The following SETD5 variants were observed in gnomAD, a reference collection of about 807,000 sequenced individuals.
SETD5 encodes the protein histone-lysine N-methyltransferase SETD5.
In SETD5, 44 loss-of-function variants were observed where a neutral mutation model predicts 153.3. That is an observed-to-expected ratio of 0.29 (90% CI 0.23 to 0.37). SETD5 has a LOEUF of 0.37. SETD5 is among the 10% of genes least tolerant of loss of function. The pLI, the probability that SETD5 is intolerant of heterozygous loss-of-function variation, is 1.00. For missense variants in SETD5, 1,544 were observed against 1,768.0 expected (o/e 0.87, Z 2.27); for synonymous variants, 716 against 645.2 (o/e 1.11, Z -1.66).
intron 17 of SETD5, among the ~76,000 whole-genome samples, chr3:9,455,718 T>A (rs962847817): frequency 6.6e-6 from 1 of 152,210 alleles, no homozygotes. Context: ...TGTATCTATC[T>A]GGTGTGTGTG....
At chr3:9,466,244 C>G (rs2044552757) in intron 18 of SETD5, among the ~76,000 whole-genome samples, 1 of 145,000 alleles carries the variant, frequency 6.9e-6, no homozygotes, top group Non-Finnish European at 1.5e-5. Flanking sequence ...GCCGAGATCG[C>G]GCCATTGCAC....
rs1433671005 is a variant in SETD5, at chr3:9,475,712, C to T, written c.3950C>T (p.Thr1317Ile). Residue 1317 changes from threonine (T) to isoleucine (I), a missense_variant, in exon 23 of 23, where the codon ACA becomes ATA. Coordinates refer to ENST00000402198, the MANE Select transcript of SETD5 (RefSeq NM_001080517.3). Reference protein sequence around the residue: ...STDSLAPFTGTPGYFSSQPHS... With the variant: ...STDSLAPFTGIPGYFSSQPHS... ...GACTCGTTGGCCCCATTTACGGGGA[C>T]ACCAGGGTATTTTAGCAGCCAGCCA... 3 of 1,613,860 alleles carry T rather than the reference C, an allele frequency of 1.9e-6. No homozygotes were observed. Among genetic ancestry groups the T allele is most frequent in the African/African-American group, 2.7e-5 (2 of 74,934 alleles).
chr3:9,474,569 A>G lies in SETD5; in HGVS notation c.3618A>G (p.Thr1206=), dbSNP rs2045656532. The G allele has an allele frequency of 1.9e-6, 3 of 1,613,884 alleles. No homozygotes were observed. The highest frequency in any genetic ancestry group is 2.7e-5 in the African/African-American group (2 of 75,040). Residue 1206 remains threonine (T), a synonymous_variant, in exon 21 of 23, where the codon ACA becomes ACG. Coordinates refer to ENST00000402198, the MANE Select transcript of SETD5 (RefSeq NM_001080517.3). ...EPSPTWESNI[T]EKDSDPADGE... is the part of the protein sequence containing the mutation. ...CTCCCACATGGGAGAGTAACATCAC[A>G]GAGAAAGACTCAGGTGAGCCCATGG...
At chr3:9,450,889 A>G (rs1187775338) in intron 16 of SETD5, among the ~76,000 whole-genome samples, 1 of 152,154 alleles carries the variant, frequency 6.6e-6, no homozygotes, top group Non-Finnish European at 1.5e-5. Context: ...TATTTTTATC[A>G]TTATTATTCT....
chr3:9,420,038 T>C (rs2038137956), intron 1 of SETD5, among the ~76,000 whole-genome samples: 1 of 152,138 alleles, frequency 6.6e-6, no homozygotes, highest in East Asian at 1.9e-4. Context: ...TTAAAGAGGT[T>C]TAGTCAGTCT....
intron 16 of SETD5, chr3:9,449,363 C>G (rs2042374282): frequency 3.3e-5 from 5 of 152,170 alleles, no homozygotes; most frequent in Admixed American, 3.3e-4. Flanking sequence ...GAATAGATCA[C>G]TCCCTCAGAT....
At chr3:9,460,082 A>G (rs2043770207) in intron 17 of SETD5, among the ~76,000 whole-genome samples, 1 of 152,172 alleles carries the variant, frequency 6.6e-6, no homozygotes, top group South Asian at 2.1e-4. Flanking sequence ...CATAAGAGAT[A>G]TAAGTACTGG....
chr3:9,460,934 A>G (rs1241462319), intron 17 of SETD5, among the ~76,000 whole-genome samples: 1 of 152,208 alleles, frequency 6.6e-6, no homozygotes, highest in Non-Finnish European at 1.5e-5. Context: ...TAGCAAAGAC[A>G]TGATATCAGA....
In SETD5 at chr3:9,397,835, C is replaced by T. The variant is rs1348509927; in HGVS notation, c.-319C>T. ...CTTTGGCTCGCTCCGCCTTTCTGCC[C>T]CCCACCCCCACCTCACGGGTACGGG... On this transcript the variant is annotated 5_prime_UTR_variant, in exon 1 of 23. Transcript: ENST00000402198. 2 of 147,558 alleles carry T rather than the reference C, an allele frequency of 1.4e-5. No individual in the cohort carries two copies. Among genetic ancestry groups the T allele is most frequent in the African/African-American group, 2.5e-5 (1 of 39,858 alleles). 9.1% of individuals were successfully genotyped at this position (147,558 alleles called of 1,614,324 possible).
chr3:9,473,586 T>G, intron 20 of SETD5, 49 bp downstream of exon 20: 2 of 1,501,882 alleles, frequency 1.3e-6, no homozygotes, highest in Non-Finnish European at 1.8e-6. Flanking sequence ...TGGGGGGGAG[T>G]ATATATCTAA....
chr3:9,430,755 A>G (rs1288332608), intron 3 of SETD5: 1 of 900,778 alleles, frequency 1.1e-6, no homozygotes, highest in Non-Finnish European at 1.3e-6. Flanking sequence ...TTTTCCCCAA[A>G]GTATAGACAT....
At chr3:9,444,970 T>C (rs2041761998) in intron 11 of SETD5, 78 bp from the exon 12 acceptor site, 2 of 1,536,664 alleles carry the variant, frequency 1.3e-6, no homozygotes, top group Non-Finnish European at 1.8e-6. Context: ...TGTACTGATA[T>C]TTTAAGAGGG....
chr3:9,454,110 C>T (rs2042933272), intron 17 of SETD5: 1 of 235,434 alleles, frequency 4.2e-6, no homozygotes, highest in Admixed American at 5.6e-5. Context: ...AGGTTAGATA[C>T]ATTTAAAGTA....
chr3:9,433,930 T>G lies in SETD5; in HGVS notation c.157T>G (p.Cys53Gly). ...HNYGTTQRHG[C>G]RGLPYATIIP... Reference sequence around the variant, plus strand: ...TTATGGGACCACTCAGAGGCATGGGTGTCGAGGACTGCCTTATGCTGTGAG... The same window carrying G: ...TTATGGGACCACTCAGAGGCATGGGGGTCGAGGACTGCCTTATGCTGTGAG... Residue 53 changes from cysteine (C) to glycine (G), a missense_variant, in exon 4 of 23, where the codon TGT becomes GGT. Physicochemically the swap from Cys to Gly is radical, Grantham distance 159. Around this residue, in one of 9 missense-constraint regions of SETD5, gnomAD observed 251 missense variants for 326.9 expected, o/e 0.77. Coordinates refer to ENST00000402198, the MANE Select transcript of SETD5 (RefSeq NM_001080517.3). The G allele has an allele frequency of 6.2e-7, 1 of 1,613,826 alleles. No homozygotes were observed. Among genetic ancestry groups the G allele is most frequent in the Non-Finnish European group, 8.5e-7 (1 of 1,179,832 alleles).
At chr3:9,463,944 G>A (rs748621916) in intron 17 of SETD5, among the ~76,000 whole-genome samples, 5 of 152,166 alleles carry the variant, frequency 3.3e-5, no homozygotes, top group Non-Finnish European at 4.4e-5. Context: ...CCTGGCAAAC[G>A]TGGTGAAATG....
chr3:9,446,653 T>C (rs949043388), intron 13 of SETD5, among the ~76,000 whole-genome samples: 6 of 151,940 alleles, frequency 3.9e-5, no homozygotes, highest in Non-Finnish European at 8.8e-5. Context: ...CCACCATGCC[T>C]GGGTAATTTT....
chr3:9,429,351 TAAG>T (rs2039690804), intron 3 of SETD5: 2 of 181,024 alleles, frequency 1.1e-5, no homozygotes, highest in African/African-American at 2.4e-5. Context: ...TGGAGGGAGA[TAAG>T]AAGGTGTTCT....
intron 1 of SETD5, among the ~76,000 whole-genome samples, chr3:9,414,261 C>G (rs1225753226): frequency 2.6e-5 from 4 of 152,040 alleles, no homozygotes; most frequent in Non-Finnish European, 5.9e-5. Flanking sequence ...TTCCTTTTTA[C>G]TTTCATATTC....
chr3:9,435,864 T>G lies in SETD5; in HGVS notation c.525T>G (p.Ser175Arg). 1.3e-6 allele frequency: 2 copies of G among 1,596,852 alleles called. No homozygotes were observed. The highest frequency in any genetic ancestry group is 1.7e-6 in the Non-Finnish European group (2 of 1,171,616). Residue 175 changes from serine (S) to arginine (R), a missense_variant, in exon 7 of 23, where the codon AGT (serine) becomes AGG (arginine). Coordinates refer to ENST00000402198, the MANE Select transcript of SETD5 (RefSeq NM_001080517.3). ...CCAAACCCAAGAAGCGGAAAAAGAG[T>G]CCAGAAAAGGGTCGTGCAGCACCAA... ...RRTKPKKRKK[S>R]PEKGRAAPKT...
Sources: allele counts gnomAD v4.1 joint callset (sites outside exome capture counted in the v4.1 genomes callset), GRCh38; gene constraint gnomAD v4.1.1; regional missense constraint gnomAD v4.1.1; transcripts MANE v1.5; gene names NCBI Gene and HGNC (gene_info 2026-07-23, HGNC 2026-07-21).